INSL6: variants seen among roughly 807,000 people sequenced by gnomAD.
The protein encoded by INSL6 is insulin like 6.
INSL6 carries 16 observed loss-of-function variants against 9.4 expected under a neutral mutation model. The ratio of observed to expected loss-of-function variants is 1.70; its 90% CI spans 1.15 to 2.59. The LOEUF (loss-of-function observed/expected upper bound fraction) is 2.59. Ranked by LOEUF, INSL6 falls within the 30% of genes most tolerant of loss-of-function variation. The pLI, the probability that INSL6 is intolerant of heterozygous loss-of-function variation, is 0.00. For synonymous variants in INSL6, 154 were observed against 96.9 expected, an observed-to-expected ratio of 1.59 and a Z score of -3.46; for missense variants, 391 against 257.3, an observed-to-expected ratio of 1.52 and a Z score of -3.56.
In INSL6 at chr9:5,185,573, C is replaced by G. The variant is rs769507074; in HGVS notation, c.30G>C (p.Leu10=). 1.9e-6 allele frequency: 3 copies of G among 1,613,770 alleles called. No individual in the cohort carries two copies. Among genetic ancestry groups the G allele is most frequent in the Non-Finnish European group, 2.5e-6 (3 of 1,179,988 alleles). MPRLLRLSL[L]WLGLLLVRFS... ...ACCGAACCAGCAGGAGTCCAAGCCA[C>G]AGCAGGGACAAGCGGAGGAGCCGCG... The change falls in exon 1 of 2, where the codon CTG becomes CTC. Residue 10 remains leucine (L), a synonymous_variant. Transcript: ENST00000381641.
the INSL6 span, chr9:5,085,807 C>T: frequency 1.8e-5 from 14 of 757,866 alleles, no homozygotes; most frequent in Admixed American, 1.0e-4. Flanking sequence ...GCCATTAGTA[C>T]CACAATAATT....
intron 3 of INSL6, among the ~76,000 whole-genome samples, chr9:5,131,815 C>A (rs913121282): frequency 6.6e-6 from 1 of 152,020 alleles, no homozygotes; most frequent in African/African-American, 2.4e-5. Context: ...CACAGCTAAA[C>A]GACAATAATT....
chr9:5,090,621 A>C, the INSL6 span: 1 of 1,540,516 alleles, frequency 6.5e-7, no homozygotes, highest in Non-Finnish European at 8.7e-7. Context: ...GTGTTGAAGT[A>C]GACATTAGGA....
intron 2 of INSL6, among the ~76,000 whole-genome samples, chr9:5,152,889 C>G (rs1364126174): frequency 6.6e-6 from 1 of 152,104 alleles, no homozygotes; most frequent in Non-Finnish European, 1.5e-5. Context: ...TGGGTGCAGC[C>G]CAAGGAGGGC....
At chr9:5,037,797 G>A in the INSL6 span, among the ~76,000 whole-genome samples, 2 of 152,072 alleles carry the variant, frequency 1.3e-5, no homozygotes, top group East Asian at 1.9e-4. Flanking sequence ...CATGGCACAT[G>A]TATACATATG....
At chr9:5,102,832 A>G in the INSL6 span, among the ~76,000 whole-genome samples, 1 of 152,302 alleles carries the variant, frequency 6.6e-6, no homozygotes, top group Non-Finnish European at 1.5e-5. Context: ...TCCTTTACAG[A>G]CAAGCAAATG....
the INSL6 span, chr9:5,073,681 CT>C: frequency 8.8e-4 from 1,254 of 1,417,536 alleles, no homozygotes; most frequent in South Asian, 9.2e-4. Context: ...ATTCTTTGTA[CT>C]TTTTTTTTTC....
Position 5,128,099 on chromosome 9 carries a change from T to TACAC in INSL6, c.*11-3589_*11-3588insGTGT, listed in dbSNP as rs1824121897. The stretch of plus-strand genomic sequence containing the variant: ...TGGGTTTTGTGTGTGTGTGTGTGTG[T>TACAC]GTGTGTGTGTGTGTGTGTGTGTTAT... On this transcript the variant is annotated intron_variant, in intron 3 of 3. Coordinates refer to the INSL6 transcript ENST00000649639. The TACAC allele has an allele frequency of 2.6e-4, 61 of 231,430 alleles. No homozygotes were observed. The East Asian group carries it at 3.5e-3, about 13-fold the overall frequency. 14.3% of individuals were successfully genotyped at this position (231,430 alleles called of 1,614,324 possible).
chr9:5,088,551 A>G, the INSL6 span, among the ~76,000 whole-genome samples: 2 of 152,240 alleles, frequency 1.3e-5, no homozygotes, highest in Admixed American at 1.3e-4. Flanking sequence ...TCAAAAAAAA[A>G]AATGTAGAGT....
At chr9:5,126,154 G>T in intron 3 of INSL6, 1 of 494,116 alleles carries the variant, frequency 2.0e-6, no homozygotes, top group East Asian at 3.3e-5. Context: ...GGAAATTATA[G>T]AAGTTCCATA....
At chr9:5,092,917 G>A in the INSL6 span, among the ~76,000 whole-genome samples, 3 of 152,116 alleles carry the variant, frequency 2.0e-5, no homozygotes, top group Non-Finnish European at 4.4e-5. Context: ...TAGACCCTAG[G>A]AACCAACCTT....
chr9:5,151,769 A>G (rs1824717853), intron 2 of INSL6, among the ~76,000 whole-genome samples: 1 of 152,230 alleles, frequency 6.6e-6, no homozygotes, highest in Non-Finnish European at 1.5e-5. Context: ...AAAAAGCAAG[A>G]TTGTATATTT....
At chr9:5,033,081 G>A in the INSL6 span, among the ~76,000 whole-genome samples, 1 of 152,152 alleles carries the variant, frequency 6.6e-6, no homozygotes, top group African/African-American at 2.4e-5. Flanking sequence ...ACCAAGGCAC[G>A]AGAACTACGT....
At chr9:5,063,449 G>A in the INSL6 span, among the ~76,000 whole-genome samples, 1 of 152,098 alleles carries the variant, frequency 6.6e-6, no homozygotes. Context: ...TTTGTCAGCT[G>A]TAATTTTTGG....
At chr9:5,115,416 T>A in the INSL6 span, among the ~76,000 whole-genome samples, 1,762 of 152,310 alleles carry the variant, frequency 0.012, 26 homozygotes, top group Non-Finnish European at 0.017. Context: ...CAACAACAGA[T>A]GCTGAAGAGG....
At chr9:5,098,589 G>A in the INSL6 span, 2 of 152,152 alleles carry the variant, frequency 1.3e-5, no homozygotes, top group East Asian at 3.9e-4. Context: ...TACGTATTCT[G>A]TATAAAACAG....
At chr9:5,036,352 T>C in the INSL6 span, among the ~76,000 whole-genome samples, 6 of 152,214 alleles carry the variant, frequency 3.9e-5, no homozygotes, top group African/African-American at 1.4e-4. Flanking sequence ...CAGATGACTT[T>C]CTTCACAGAA....
At chr9:5,010,844 A>G in the INSL6 span, among the ~76,000 whole-genome samples, 1 of 152,090 alleles carries the variant, frequency 6.6e-6, no homozygotes, top group East Asian at 1.9e-4. Context: ...TTTGCCTTGA[A>G]TTTTGAAAAT....
At chr9:5,171,035 C>A (rs1483931925) in intron 1 of INSL6, among the ~76,000 whole-genome samples, 1 of 151,764 alleles carries the variant, frequency 6.6e-6, no homozygotes, top group Non-Finnish European at 1.5e-5. Context: ...GATACAACAA[C>A]AAAAAAACTT....
Sources: allele counts gnomAD v4.1 joint callset (sites outside exome capture counted in the v4.1 genomes callset), GRCh38; gene constraint gnomAD v4.1.1; transcripts MANE v1.5; gene names NCBI Gene and HGNC (gene_info 2026-07-23, HGNC 2026-07-21).